Variants in USH2A observed in about 807,000 individuals in gnomAD.
The protein encoded by USH2A is Usher syndrome 2A (autosomal recessive, mild).
A neutral mutation model predicts 538.9 loss-of-function variants in USH2A; 443 were observed. That is an observed-to-expected ratio of 0.82 (90% CI 0.76 to 0.89). The LOEUF (loss-of-function observed/expected upper bound fraction) is 0.89, where lower values mean the gene tolerates loss of function less well. USH2A is among the 40% of genes least tolerant of loss of function. The pLI is 0.00. For synonymous variants in USH2A, 2,413 were observed against 2,273.5 expected, an observed-to-expected ratio of 1.06 and a Z score of -1.75; for missense variants, 6,633 against 6,324.8, an observed-to-expected ratio of 1.05 and a Z score of -1.65.
At chr1:216,202,025 T>C (rs1464832551) in intron 16 of USH2A, among the ~76,000 whole-genome samples, 2 of 152,164 alleles carry the variant, frequency 1.3e-5, no homozygotes, top group Non-Finnish European at 2.9e-5. Flanking sequence ...TTTACTAGAT[T>C]AGATTAAAGT....
chr1:216,373,309 G>A (rs762784733), intron 3 of USH2A, among the ~76,000 whole-genome samples: 5 of 152,140 alleles, frequency 3.3e-5, no homozygotes, highest in Non-Finnish European at 7.4e-5. Context: ...AGATGAGAAC[G>A]TGAAAATATC....
intron 38 of USH2A, among the ~76,000 whole-genome samples, chr1:215,918,381 C>T (rs1041489817): frequency 1.3e-5 from 2 of 151,916 alleles, no homozygotes; most frequent in African/African-American, 4.8e-5. Context: ...CTCATGAATG[C>T]GGTTAGTGCC....
intron 60 of USH2A, among the ~76,000 whole-genome samples, chr1:215,730,885 T>C (rs1456483160): frequency 6.6e-6 from 1 of 152,196 alleles, no homozygotes; most frequent in Non-Finnish European, 1.5e-5. Flanking sequence ...TTGCTACAGA[T>C]ATCAGGTACC....
intron 21 of USH2A, among the ~76,000 whole-genome samples, chr1:216,144,966 T>A (rs1027993540): frequency 2.0e-5 from 3 of 152,166 alleles, no homozygotes; most frequent in African/African-American, 7.2e-5. Context: ...TATCCAGAGA[T>A]AACAGTGTGT....
intron 44 of USH2A, among the ~76,000 whole-genome samples, chr1:215,863,795 G>A (rs1664393441): frequency 6.6e-6 from 1 of 151,912 alleles, no homozygotes; most frequent in South Asian, 2.1e-4. Flanking sequence ...AGCATAGGGA[G>A]AACCTGTCTC....
At chr1:216,331,361 G>T (rs61828101) in intron 4 of USH2A, among the ~76,000 whole-genome samples, 3 of 152,036 alleles carry the variant, frequency 2.0e-5, no homozygotes, top group Non-Finnish European at 4.4e-5. Flanking sequence ...AAATAGACAT[G>T]ACTCATACAA....
intron 63 of USH2A, among the ~76,000 whole-genome samples, chr1:215,673,003 T>C (rs1411768728): frequency 6.6e-6 from 1 of 152,178 alleles, no homozygotes; most frequent in Non-Finnish European, 1.5e-5. Context: ...AAGTTGGAGG[T>C]ACAGTCAGGT....
rs1660631001 is a variant in USH2A, at chr1:215,751,819, C to T, written c.11389+6776G>A. 2.0e-5 allele frequency among the ~76,000 whole-genome samples: 3 copies of T among 152,036 alleles called. 1 individual carries two copies. Among genetic ancestry groups the T allele is most frequent in the Admixed American group, 2.0e-4 (3 of 15,256 alleles). The stretch of plus-strand genomic sequence containing the variant: ...AAACAATAATGGAGTTTTACCATGC[C>T]ATCTCATTTACTTCATATAACAATA... On this transcript the variant is annotated intron_variant, in intron 58 of 71. Transcript: ENST00000307340.
At chr1:215,651,467 A>G (rs1386192470) in intron 64 of USH2A, among the ~76,000 whole-genome samples, 1 of 152,242 alleles carries the variant, frequency 6.6e-6, no homozygotes, top group African/African-American at 2.4e-5. Flanking sequence ...TGGCAATACA[A>G]GAAGACTGTC....
rs183189539 is a variant in USH2A at position 216,327,855 on chromosome 1, A to T, written c.785-201T>A. 2.2e-3 allele frequency among the ~76,000 whole-genome samples: 331 copies of T among 152,254 alleles called. 2 individuals are homozygous for T. Among genetic ancestry groups the T allele is most frequent in the Middle Eastern group, 0.01 (3 of 294 alleles). ...AATAATCATAGTTATCTCCATGGAC[A>T]CTGTAGGACTTAAGTCAAAGTGAAT... is the stretch of plus-strand genomic sequence containing the variant. On this transcript the variant is annotated intron_variant, in intron 4 of 71. Coordinates refer to ENST00000307340, the MANE Select transcript of USH2A (RefSeq NM_206933.4).
chr1:216,170,320 T>C (rs1028037236), intron 21 of USH2A, among the ~76,000 whole-genome samples: 2 of 152,160 alleles, frequency 1.3e-5, no homozygotes, highest in African/African-American at 4.8e-5. Flanking sequence ...CAACCATTTT[T>C]GGGAAGGTGA....
intron 49 of USH2A, among the ~76,000 whole-genome samples, chr1:215,805,318 T>C (rs114063858): frequency 0.01 from 1,566 of 151,948 alleles, 22 homozygotes; most frequent in African/African-American, 0.036. Flanking sequence ...CTAAGTGAAA[T>C]AAGCCAGACA....
chr1:216,257,919 A>G (rs2102561574), intron 11 of USH2A, among the ~76,000 whole-genome samples: 1 of 152,088 alleles, frequency 6.6e-6, no homozygotes, highest in African/African-American at 2.4e-5. Context: ...GTTATTTAGT[A>G]CCTTCCATAT....
chr1:216,219,277 C>T (rs968340477), intron 14 of USH2A, among the ~76,000 whole-genome samples: 2 of 152,028 alleles, frequency 1.3e-5, no homozygotes, highest in African/African-American at 4.8e-5. Flanking sequence ...ACTTATCTGA[C>T]TTGTTATAAT....
intron 34 of USH2A, among the ~76,000 whole-genome samples, chr1:215,994,237 C>G (rs1227712609): frequency 6.6e-6 from 1 of 152,014 alleles, no homozygotes; most frequent in Non-Finnish European, 1.5e-5. Flanking sequence ...TTGTGTAAGA[C>G]AGATATTACT....
intron 21 of USH2A, among the ~76,000 whole-genome samples, chr1:216,143,546 A>T (rs2033640518): frequency 6.6e-6 from 1 of 152,178 alleles, no homozygotes; most frequent in Non-Finnish European, 1.5e-5. Context: ...TGCCCTAAAG[A>T]GTAGAAAATT....
At chr1:215,670,340 G>C (rs1208386762) in intron 64 of USH2A, among the ~76,000 whole-genome samples, 1 of 152,166 alleles carries the variant, frequency 6.6e-6, no homozygotes, top group Non-Finnish European at 1.5e-5. Context: ...CACAGGAAAT[G>C]AGGTTGTTAT....
intron 54 of USH2A, among the ~76,000 whole-genome samples, chr1:215,780,948 G>T (rs942143055): frequency 1.4e-4 from 21 of 152,242 alleles, no homozygotes; most frequent in African/African-American, 5.1e-4. Flanking sequence ...CATATGAAAA[G>T]AATCAGAGCT....
Position 216,415,315 on chromosome 1 carries a change from T to C in USH2A, c.651+3199A>G, listed in dbSNP as rs185668004. On this transcript the variant is annotated intron_variant, in intron 3 of 71. Coordinates refer to ENST00000307340, the MANE Select transcript of USH2A (RefSeq NM_206933.4). ...GAGTCAAATGACTCAGTTTGAGACG[T>C]CAAGGCGGGCAGGGTATAGGTGTGA... Among the ~76,000 whole-genome samples the C allele has an allele frequency of 5.7e-3, 868 of 152,188 alleles. 2 individuals are homozygous for C. Among genetic ancestry groups the C allele is most frequent in the Non-Finnish European group, 9.3e-3 (634 of 67,984 alleles).
Sources: gnomAD v4.1 joint callset for allele counts (sites outside exome capture counted in the v4.1 genomes callset) on GRCh38, gnomAD v4.1.1 for gene constraint, MANE v1.5 for transcripts, NCBI Gene and HGNC (gene_info 2026-07-23, HGNC 2026-07-21) for gene names.